Variants in SORCS2 observed in about 807,000 individuals in gnomAD.
The protein encoded by SORCS2 is sortilin related VPS10 domain containing receptor 2.
In SORCS2, 100 loss-of-function variants were observed where a neutral mutation model predicts 141.6. The observed-to-expected ratio is 0.71, with a 90% CI of 0.60 to 0.83. The LOEUF is 0.83. SORCS2 is among the 40% of genes least tolerant of loss of function. The pLI is 0.00. For synonymous variants in SORCS2, 789 were observed against 676.9 expected (o/e 1.17, Z -2.57); for missense variants, 1,646 against 1,560.2 (o/e 1.05, Z -0.93).
At chr4:7,692,240 C>T (rs1177085768) in intron 11 of SORCS2, among the ~76,000 whole-genome samples, 2 of 152,190 alleles carry the variant, frequency 1.3e-5, no homozygotes, top group Non-Finnish European at 2.9e-5. Flanking sequence ...CCCAGTGCCA[C>T]GTGACCGCAC....
At chr4:7,472,016 T>C (rs1730006934) in intron 2 of SORCS2, among the ~76,000 whole-genome samples, 1 of 152,230 alleles carries the variant, frequency 6.6e-6, no homozygotes, top group Admixed American at 6.5e-5. Context: ...TCCCTAGTGC[T>C]TCGACCCTGA....
intron 12 of SORCS2, among the ~76,000 whole-genome samples, chr4:7,700,521 C>G (rs370239998): frequency 2.6e-5 from 4 of 152,176 alleles, no homozygotes; most frequent in East Asian, 3.9e-4. Flanking sequence ...AACTGTGGAA[C>G]GTTCTTCTTC....
rs563790828 is a variant in SORCS2 at position 7,641,110 on chromosome 4, G to A, written c.813+2618G>A. On this transcript the variant is annotated intron_variant, in intron 4 of 26. Coordinates refer to ENST00000507866, the MANE Select transcript of SORCS2 (RefSeq NM_020777.3). ...CCACCGCAGGCCAGCTTGGGCCCCA[G>A]TATTTCACACTCTTCCATATTCCTG... 4.6e-5 allele frequency among the ~76,000 whole-genome samples: 7 copies of A among 152,290 alleles called. No homozygotes were observed. The East Asian group carries it at 1.3e-3, about 29-fold the overall frequency.
rs185031391 is a variant in SORCS2, at chr4:7,607,086, G to A, written c.649-31242G>A. Among the ~76,000 whole-genome samples the A allele has an allele frequency of 3.1e-3, 471 of 152,250 alleles. 3 individuals carry two copies. The highest frequency in any genetic ancestry group is 0.011 in the African/African-American group (451 of 41,546). On this transcript the variant is annotated intron_variant, in intron 3 of 26. Coordinates refer to ENST00000507866, the MANE Select transcript of SORCS2 (RefSeq NM_020777.3). ...TCAATTTTTCTGCCATCTCTTTGCC[G>A]ACATAAAACCCTGATGATGGATATC...
intron 3 of SORCS2, among the ~76,000 whole-genome samples, chr4:7,591,705 C>T (rs1716924423): frequency 6.6e-6 from 1 of 152,174 alleles, no homozygotes; most frequent in Non-Finnish European, 1.5e-5. Flanking sequence ...CCAATCCTTC[C>T]CCATCGCCCC....
At chr4:7,513,191 G>A (rs1342386828) in intron 2 of SORCS2, among the ~76,000 whole-genome samples, 1 of 152,226 alleles carries the variant, frequency 6.6e-6, no homozygotes, top group African/African-American at 2.4e-5. Context: ...GGGACCGTAT[G>A]TAGCCATAAT....
In SORCS2 at chr4:7,729,693, G is replaced by C. The variant is rs983319263; in HGVS notation, c.3089G>C (p.Arg1030Thr). 6.2e-6 allele frequency: 10 copies of C among 1,610,818 alleles called. No individual in the cohort carries two copies. Among genetic ancestry groups the C allele is most frequent in the Non-Finnish European group, 8.5e-6 (10 of 1,178,746 alleles). Residue 1030 changes from arginine (R) to threonine (T), a missense_variant, in exon 23 of 27, where the codon AGG (arginine) becomes ACG (threonine). Physicochemically the swap from Arg to Thr is moderately conservative, Grantham distance 71. Coordinates refer to ENST00000507866, the MANE Select transcript of SORCS2 (RefSeq NM_020777.3). ...LLPPPRPTRK[R>T]SLSSDKRLAA... is the part of the protein sequence containing the mutation. Reference sequence around the variant, plus strand: ...CCCCCTCCCAGGCCCACAAGGAAGAGGAGCCTCTCGAGTGATAAGGTATGT... The same window carrying C: ...CCCCCTCCCAGGCCCACAAGGAAGACGAGCCTCTCGAGTGATAAGGTATGT...
intron 8 of SORCS2, among the ~76,000 whole-genome samples, chr4:7,671,337 C>T (rs1362686833): frequency 4.4e-5 from 6 of 135,782 alleles, no homozygotes; most frequent in Non-Finnish European, 7.6e-5. Context: ...TATGAGCATT[C>T]AAAAGAAAAA....
Position 7,712,744 on chromosome 4 carries a change from A to C in SORCS2, c.1880A>C (p.His627Pro). The C allele has an allele frequency of 1.2e-6, 2 of 1,613,978 alleles. No homozygotes were observed. Among genetic ancestry groups the C allele is most frequent in the Non-Finnish European group, 1.7e-6 (2 of 1,179,862 alleles). ...TCTTCCCACCCCAGGGTCTTTGGCC[A>C]CATCAGCTTCCGCTCCGATTGGGAG... is the stretch of plus-strand genomic sequence containing the variant. The part of the protein sequence containing the change: ...DETLVMTVFG[H>P]ISFRSDWELV... The change falls in exon 15 of 27, where the codon CAC becomes CCC. Residue 627 changes from histidine (H) to proline (P), a missense_variant. Coordinates refer to ENST00000507866, the MANE Select transcript of SORCS2 (RefSeq NM_020777.3).
chr4:7,545,401 C>T (rs988159356), intron 3 of SORCS2, among the ~76,000 whole-genome samples: 1 of 152,222 alleles, frequency 6.6e-6, no homozygotes, highest in Non-Finnish European at 1.5e-5. Flanking sequence ...TGGAGACTTA[C>T]CATGTGCTGG....
chr4:7,601,312 A>ATTT (rs35696538), intron 3 of SORCS2, among the ~76,000 whole-genome samples: 3 of 148,640 alleles, frequency 2.0e-5, no homozygotes, highest in African/African-American at 7.4e-5. Context: ...ATTAAACCTC[A>ATTT]TTTTTTTTTT....
chr4:7,435,643 T>C (rs1026563314), intron 2 of SORCS2, among the ~76,000 whole-genome samples: 16 of 152,240 alleles, frequency 1.1e-4, no homozygotes, highest in African/African-American at 3.9e-4. Flanking sequence ...AGGCGTAGAT[T>C]AAATGTTTGT....
chr4:7,586,026 C>T (rs976136241), intron 3 of SORCS2, among the ~76,000 whole-genome samples: 2 of 152,234 alleles, frequency 1.3e-5, no homozygotes, highest in Non-Finnish European at 2.9e-5. Context: ...ATGTTTGCCT[C>T]CTTTTCATGT....
intron 1 of SORCS2, among the ~76,000 whole-genome samples, chr4:7,307,719 G>A (rs73208450): frequency 0.2 from 30,897 of 152,218 alleles, 3,982 homozygotes; most frequent in Non-Finnish European, 0.29. Context: ...GTCCACAGGG[G>A]CAGACTGAGA....
At chr4:7,484,316 G>A (rs1169140951) in intron 2 of SORCS2, among the ~76,000 whole-genome samples, 2 of 152,280 alleles carry the variant, frequency 1.3e-5, no homozygotes, top group Non-Finnish European at 2.9e-5. Flanking sequence ...TCTGTCACCC[G>A]ACTTTTACAT....
At chr4:7,477,963 T>C (rs1317939563) in intron 2 of SORCS2, among the ~76,000 whole-genome samples, 1 of 152,144 alleles carries the variant, frequency 6.6e-6, no homozygotes, top group African/African-American at 2.4e-5. Flanking sequence ...TGCCCTCAGA[T>C]GTGTGTCTCA....
intron 2 of SORCS2, among the ~76,000 whole-genome samples, chr4:7,527,039 C>T (rs899543590): frequency 3.9e-5 from 6 of 152,312 alleles, no homozygotes; most frequent in South Asian, 2.1e-4. Flanking sequence ...TAGTGCTAGG[C>T]GGCCCTGCGG....
At chr4:7,245,658 G>T (rs540442240) in intron 1 of SORCS2, among the ~76,000 whole-genome samples, 11 of 152,320 alleles carry the variant, frequency 7.2e-5, no homozygotes, top group African/African-American at 2.2e-4. Flanking sequence ...GCTATTGGTG[G>T]TGGTGGTGTT....
chr4:7,619,519 T>G lies in SORCS2; in HGVS notation c.649-18809T>G, dbSNP rs143699661. On this transcript the variant is annotated intron_variant, in intron 3 of 26. Coordinates refer to ENST00000507866, the MANE Select transcript of SORCS2 (RefSeq NM_020777.3). ...ACACTCAGGGACATGAGGGACAGTTTCCAGATGTGCAGGGTCTTCTGCCCT... is the reference window on the plus strand; with the variant it reads ...ACACTCAGGGACATGAGGGACAGTTGCCAGATGTGCAGGGTCTTCTGCCCT... 7.6e-3 allele frequency among the ~76,000 whole-genome samples: 1,150 copies of G among 152,274 alleles called. 6 individuals are homozygous for G. The highest frequency in any genetic ancestry group is 0.012 in the Non-Finnish European group (806 of 68,004).
Sources: allele counts gnomAD v4.1 joint callset (sites outside exome capture counted in the v4.1 genomes callset), GRCh38; gene constraint gnomAD v4.1.1; transcripts MANE v1.5; gene names NCBI Gene and HGNC (gene_info 2026-07-23, HGNC 2026-07-21).